Variants in SUMF1 observed in about 807,000 individuals in gnomAD.
SUMF1 encodes sulfatase modifying factor 1.
Under a neutral mutation model 47.6 loss-of-function variants are expected in SUMF1, and 48 were observed. The observed-to-expected ratio is 1.01, with a 90% confidence interval of 0.80 to 1.28. The LOEUF is 1.28. Ranked by LOEUF, SUMF1 falls within the 50% of genes most tolerant of loss-of-function variation. The probability of loss-of-function intolerance (pLI) is 0.00; values close to 1 mark genes in which losing one functional copy is unlikely to be tolerated. For synonymous variants in SUMF1, 230 were observed against 192.1 expected, an observed-to-expected ratio of 1.20 and a Z score of -1.63; for missense variants, 571 against 485.4, an observed-to-expected ratio of 1.18 and a Z score of -1.66.
rs539659409 is a variant in SUMF1 at position 4,293,303 on chromosome 3, AG to A, written c.1014+83026del. 1.8e-3 allele frequency among the ~76,000 whole-genome samples: 272 copies of A among 152,290 alleles called. 2 individuals carry two copies. The highest frequency in any genetic ancestry group is 6.2e-3 in the African/African-American group (258 of 41,564). ...GAAAAAATCCATTCCACTGTTGCAA[AG>A]AAAGCTCAATTTCCCAAAACACAAC... On this transcript the variant is annotated intron_variant and NMD_transcript_variant, in intron 8 of 12. Coordinates refer to the SUMF1 transcript ENST00000448413.
intron 8 of SUMF1, among the ~76,000 whole-genome samples, chr3:4,297,629 T>C (rs914177811): frequency 6.7e-6 from 1 of 148,450 alleles, no homozygotes; most frequent in Non-Finnish European, 1.5e-5. Flanking sequence ...CTGGAACTCC[T>C]GGCCTTGAGC....
chr3:4,284,773 T>TG (rs1184324369), intron 8 of SUMF1, among the ~76,000 whole-genome samples: 10 of 151,714 alleles, frequency 6.6e-5, no homozygotes, highest in African/African-American at 2.4e-4. Flanking sequence ...TAAAGAAGCA[T>TG]GGGGGGTAAT....
At position 4,207,698 on chromosome 3, in the gene SUMF1, A is replaced by G. The variant is rs73120028; in HGVS notation, c.1015-138953T>C. On this transcript the variant is annotated intron_variant and NMD_transcript_variant, in intron 8 of 12. Transcript: ENST00000448413. ...AAACAACAAACAAAAAACTAAACAA[A>G]CTGAAAAATCAATAACTATTCTTAA... Among the ~76,000 whole-genome samples, 1,401 of 151,936 alleles carry G rather than the reference A, an allele frequency of 9.2e-3. 23 individuals carry two copies. Among genetic ancestry groups the G allele is most frequent in the African/African-American group, 0.032 (1,331 of 41,214 alleles).
chr3:4,273,846 T>G (rs1459749873), intron 8 of SUMF1, among the ~76,000 whole-genome samples: 32 of 104,724 alleles, frequency 3.1e-4, no homozygotes, highest in African/African-American at 4.3e-4. Flanking sequence ...AGGGAGGGCA[T>G]GGGAAGGCAG....
At chr3:4,334,595 G>A (rs1699109511) in intron 8 of SUMF1, among the ~76,000 whole-genome samples, 1 of 152,184 alleles carries the variant, frequency 6.6e-6, no homozygotes, top group Admixed American at 6.5e-5. Flanking sequence ...GAAGAAAACA[G>A]GAAATCAAAA....
chr3:4,204,812 C>G (rs1223615749), intron 8 of SUMF1, among the ~76,000 whole-genome samples: 1 of 134,982 alleles, frequency 7.4e-6, no homozygotes, highest in East Asian at 2.2e-4. Context: ...TTTTTCAGCT[C>G]CAGGATCTCT....
chr3:4,344,049 C>G (rs1699324132), intron 8 of SUMF1, among the ~76,000 whole-genome samples: 1 of 152,078 alleles, frequency 6.6e-6, no homozygotes, highest in Non-Finnish European at 1.5e-5. Context: ...TTATAAAAAC[C>G]ATATATAAGT....
At chr3:4,154,691 C>A (rs1000017400) in intron 8 of SUMF1, among the ~76,000 whole-genome samples, 6 of 151,506 alleles carry the variant, frequency 4.0e-5, no homozygotes, top group African/African-American at 1.5e-4. Flanking sequence ...AAAAATATTT[C>A]TTGATTGCCT....
intron 8 of SUMF1, among the ~76,000 whole-genome samples, chr3:4,269,688 G>A (rs746036376): frequency 2.0e-5 from 3 of 152,120 alleles, no homozygotes; most frequent in Non-Finnish European, 4.4e-5. Context: ...AAACCCAACA[G>A]TCCAAAGGCA....
chr3:4,358,090 T>TC (rs1285801729), downstream of SUMF1, among the ~76,000 whole-genome samples: 1 of 152,132 alleles, frequency 6.6e-6, no homozygotes, highest in Admixed American at 6.5e-5. Context: ...GTTTGAAGCA[T>TC]CTATGCAGCC....
chr3:4,297,338 C>T (rs1399532133), intron 8 of SUMF1, among the ~76,000 whole-genome samples: 1 of 152,132 alleles, frequency 6.6e-6, no homozygotes. Flanking sequence ...CTTCATGCAA[C>T]AATCTTTTTT....
chr3:4,327,263 T>G (rs2125123907), intron 8 of SUMF1, among the ~76,000 whole-genome samples: 1 of 152,362 alleles, frequency 6.6e-6, no homozygotes. Context: ...GCAAGCCTCA[T>G]GAACACATTA....
intron 8 of SUMF1, among the ~76,000 whole-genome samples, chr3:4,334,516 G>A (rs1575106646): frequency 6.6e-6 from 1 of 152,146 alleles, no homozygotes; most frequent in East Asian, 1.9e-4. Flanking sequence ...ATGTTCTCTA[G>A]GATCTTAGCT....
intron 8 of SUMF1, among the ~76,000 whole-genome samples, chr3:4,221,391 A>G (rs901734333): frequency 6.7e-6 from 1 of 149,588 alleles, no homozygotes; most frequent in African/African-American, 2.5e-5. Flanking sequence ...AAAGCAGCAA[A>G]TGCTTTGGGT....
intron 8 of SUMF1, among the ~76,000 whole-genome samples, chr3:4,326,522 G>GTTTTTTT (rs35648890): frequency 7.8e-6 from 1 of 128,698 alleles, no homozygotes; most frequent in African/African-American, 3.4e-5. Flanking sequence ...TTTTCCAAGG[G>GTTTTTTT]TTTTTTTTTT....
intron 8 of SUMF1, among the ~76,000 whole-genome samples, chr3:4,096,546 C>T (rs1692908634): frequency 6.6e-6 from 1 of 152,092 alleles, no homozygotes; most frequent in South Asian, 2.1e-4. Flanking sequence ...AGCCATTGTG[C>T]ACAGCAGCTT....
At chr3:4,363,947 G>T (rs375657810) in intron 8 of SUMF1, among the ~76,000 whole-genome samples, 2,079 of 143,160 alleles carry the variant, frequency 0.015, 43 homozygotes, top group African/African-American at 0.054. Flanking sequence ...TTGTTGAATT[G>T]TGTCAAAGGC....
intron 1 of SUMF1, among the ~76,000 whole-genome samples, chr3:4,455,406 G>C (rs1703122853): frequency 6.6e-6 from 1 of 152,132 alleles, no homozygotes; most frequent in African/African-American, 2.4e-5. Context: ...TAACAAATAA[G>C]GAAACTGAAT....
chr3:4,381,849 G>A (rs895197630), intron 7 of SUMF1, among the ~76,000 whole-genome samples: 1 of 152,088 alleles, frequency 6.6e-6, no homozygotes. Flanking sequence ...GTTCAAGACC[G>A]GCCTTGGGCA....
Sources: gnomAD v4.1 joint callset for allele counts (sites outside exome capture counted in the v4.1 genomes callset) on GRCh38, gnomAD v4.1.1 for gene constraint, MANE v1.5 for transcripts, NCBI Gene and HGNC (gene_info 2026-07-23, HGNC 2026-07-21) for gene names.